Variants in PCDH15 observed in about 807,000 individuals in gnomAD.
PCDH15 encodes protocadherin-15.
In PCDH15, 129 loss-of-function variants were observed where a neutral mutation model predicts 178.5. The ratio of observed to expected loss-of-function variants is 0.72; its 90% CI spans 0.63 to 0.84. The LOEUF (loss-of-function observed/expected upper bound fraction) is 0.84. PCDH15 is among the 40% of genes least tolerant of loss of function. The pLI, the probability that PCDH15 is intolerant of heterozygous loss-of-function variation, is 0.00. For synonymous variants in PCDH15, 800 were observed against 732.0 expected, an observed-to-expected ratio of 1.09 and a Z score of -1.50; for missense variants, 2,230 against 2,099.9, an observed-to-expected ratio of 1.06 and a Z score of -1.21.
chr10:54,009,581 G>A (rs1465092782), intron 20 of PCDH15, among the ~76,000 whole-genome samples: 1 of 152,134 alleles, frequency 6.6e-6, no homozygotes, highest in Non-Finnish European at 1.5e-5. Flanking sequence ...GCTGGCGAGT[G>A]GACACTAGCT....
intron 25 of PCDH15, among the ~76,000 whole-genome samples, chr10:53,912,961 A>C (rs1233472204): frequency 6.6e-6 from 1 of 152,130 alleles, no homozygotes; most frequent in Non-Finnish European, 1.5e-5. Context: ...CATATGGAAC[A>C]AAAAAAGAGC....
intron 21 of PCDH15, among the ~76,000 whole-genome samples, chr10:53,974,268 G>A (rs1385557593): frequency 1.3e-5 from 2 of 152,078 alleles, no homozygotes; most frequent in Non-Finnish European, 2.9e-5. Flanking sequence ...ACCCACCTTG[G>A]CTTCCCAGAG....
At chr10:54,650,217 A>G (rs1422443160) in intron 2 of PCDH15, among the ~76,000 whole-genome samples, 1 of 152,178 alleles carries the variant, frequency 6.6e-6, no homozygotes, top group Non-Finnish European at 1.5e-5. Flanking sequence ...TTAAAATTTT[A>G]CATTATAAAA....
chr10:55,521,433 T>C (rs1841173535), intron 2 of PCDH15, among the ~76,000 whole-genome samples: 1 of 152,044 alleles, frequency 6.6e-6, no homozygotes, highest in Admixed American at 6.6e-5. Context: ...CGATTTTTTT[T>C]TGTTTTATGA....
intron 2 of PCDH15, among the ~76,000 whole-genome samples, chr10:55,118,300 T>C (rs549756931): frequency 3.9e-5 from 6 of 152,200 alleles, no homozygotes; most frequent in Non-Finnish European, 8.8e-5. Context: ...CTGTTGAATC[T>C]GTGCCAGTTC....
intron 25 of PCDH15, among the ~76,000 whole-genome samples, chr10:53,914,335 T>G (rs552659882): frequency 1.3e-5 from 2 of 152,294 alleles, no homozygotes; most frequent in Admixed American, 1.3e-4. Context: ...TGTGGCACTA[T>G]TCACAATAGC....
At chr10:54,368,591 A>G (rs1428240202) in intron 5 of PCDH15, among the ~76,000 whole-genome samples, 1 of 152,076 alleles carries the variant, frequency 6.6e-6, no homozygotes, top group Non-Finnish European at 1.5e-5. Flanking sequence ...AAAAGTTACA[A>G]TACTACTTTT....
chr10:54,723,565 C>T (rs1942001318), intron 1 of PCDH15, among the ~76,000 whole-genome samples: 1 of 151,586 alleles, frequency 6.6e-6, no homozygotes, highest in Admixed American at 6.6e-5. Flanking sequence ...TTAAACTAAA[C>T]AGCTTTTGCA....
chr10:55,449,800 AT>A (rs1240467141), intron 2 of PCDH15, among the ~76,000 whole-genome samples: 1 of 152,100 alleles, frequency 6.6e-6, no homozygotes, highest in Non-Finnish European at 1.5e-5. Flanking sequence ...CCCTTGGGTC[AT>A]AGATTCTGTT....
intron 2 of PCDH15, among the ~76,000 whole-genome samples, chr10:54,958,762 T>A (rs1459483612): frequency 3.3e-5 from 5 of 150,530 alleles, no homozygotes; most frequent in Non-Finnish European, 7.4e-5. Flanking sequence ...GAGAAAAGGA[T>A]AGTCAAAAAA....
At chr10:54,764,033 G>A (rs1036603212) in intron 1 of PCDH15, among the ~76,000 whole-genome samples, 10 of 151,748 alleles carry the variant, frequency 6.6e-5, no homozygotes, top group Non-Finnish European at 1.3e-4. Flanking sequence ...TTTTACCATG[G>A]TTTTCTTGTC....
At chr10:54,545,159 G>A (rs532978004) in intron 2 of PCDH15, among the ~76,000 whole-genome samples, 88 of 152,254 alleles carry the variant, frequency 5.8e-4, no homozygotes, top group African/African-American at 2.0e-3. Context: ...TTAGAGCAAG[G>A]ACAGAGAAAT....
intron 1 of PCDH15, among the ~76,000 whole-genome samples, chr10:55,208,193 T>A (rs1314148027): frequency 1.3e-5 from 2 of 152,132 alleles, no homozygotes; most frequent in Admixed American, 6.5e-5. Context: ...GATGTATTTA[T>A]CAATATAAAT....
intron 1 of PCDH15, among the ~76,000 whole-genome samples, chr10:55,299,483 G>T (rs191382896): frequency 2.6e-5 from 4 of 152,224 alleles, no homozygotes; most frequent in Admixed American, 2.0e-4. Context: ...GTGTTGACCT[G>T]GTTAATAGAA....
rs778143211 is a variant in PCDH15 at position 54,020,427 on chromosome 10, CAGA to C, written c.2527-14_2527-12del. The C allele has an allele frequency of 3.1e-6, 5 of 1,612,110 alleles. No homozygotes were observed. The East Asian group carries it at 8.9e-5, about 29-fold the overall frequency. ...GTCGACATCTTTGGCCTGTAATAAG[CAGA>C]AGAATAGTTTTATTAGTGACGTTAC... On this transcript the variant is annotated splice_polypyrimidine_tract_variant and intron_variant, in intron 19 of 37. Transcript: ENST00000644397.
At chr10:53,988,579 T>G (rs2610887) in intron 21 of PCDH15, among the ~76,000 whole-genome samples, 2 of 152,110 alleles carry the variant, frequency 1.3e-5, no homozygotes, top group African/African-American at 2.4e-5. Flanking sequence ...CCAGGAATTA[T>G]GAGTGGCTTA....
At chr10:55,420,255 T>C (rs1230649567) in intron 2 of PCDH15, among the ~76,000 whole-genome samples, 1 of 150,944 alleles carries the variant, frequency 6.6e-6, no homozygotes, top group East Asian at 1.9e-4. Context: ...ATATTATCTA[T>C]AGTTGCTTCG....
intron 15 of PCDH15, among the ~76,000 whole-genome samples, chr10:54,101,198 C>A (rs1275179136): frequency 1.3e-5 from 2 of 152,146 alleles, no homozygotes; most frequent in African/African-American, 2.4e-5. Flanking sequence ...TTCTCTGCCG[C>A]CATGTGAGAC....
At chr10:55,342,604 C>T (rs1002393576) in intron 2 of PCDH15, among the ~76,000 whole-genome samples, 2 of 151,974 alleles carry the variant, frequency 1.3e-5, no homozygotes, top group Admixed American at 1.3e-4. Flanking sequence ...ATCATTGTGC[C>T]TGTGGTTGTT....
Sources: allele counts gnomAD v4.1 joint callset (sites outside exome capture counted in the v4.1 genomes callset), GRCh38; gene constraint gnomAD v4.1.1; transcripts MANE v1.5; gene names NCBI Gene and HGNC (gene_info 2026-07-23, HGNC 2026-07-21).